NECTIN3: variants seen among roughly 807,000 people sequenced by gnomAD.
The protein encoded by NECTIN3 is nectin cell adhesion molecule 3.
In NECTIN3, 8 loss-of-function variants were observed where a neutral mutation model predicts 49.4. That is an observed-to-expected ratio of 0.16 (90% CI 0.10 to 0.29). The LOEUF (loss-of-function observed/expected upper bound fraction) is 0.29. Ranked by LOEUF, NECTIN3 falls within the 10% of genes least tolerant of loss-of-function variation. The pLI, the probability that NECTIN3 is intolerant of heterozygous loss-of-function variation, is 1.00. For missense variants in NECTIN3, 581 were observed against 654.6 expected (o/e 0.89, Z 1.23); for synonymous variants, 277 against 241.1 (o/e 1.15, Z -1.38).
intron 1 of NECTIN3, among the ~76,000 whole-genome samples, chr3:111,085,860 C>G (rs925485608): frequency 2.0e-5 from 3 of 151,946 alleles, no homozygotes; most frequent in Non-Finnish European, 4.4e-5. Context: ...GGTGGTATTG[C>G]TGGTTCATAT....
intron 7 of NECTIN3, among the ~76,000 whole-genome samples, chr3:111,164,080 A>G (rs1244868138): frequency 6.6e-6 from 1 of 152,090 alleles, no homozygotes; most frequent in Non-Finnish European, 1.5e-5. Flanking sequence ...AAGTATTTGT[A>G]TTTCATAATT....
chr3:111,139,141 A>G (rs1466268732), downstream of NECTIN3, among the ~76,000 whole-genome samples: 1 of 151,728 alleles, frequency 6.6e-6, no homozygotes, highest in Admixed American at 6.6e-5. Flanking sequence ...ATAAATCAGT[A>G]TATAGCTTTG....
chr3:111,111,952 CAG>C (rs2033485826), intron 1 of NECTIN3, 76 bp from the exon 2 acceptor site: 4 of 815,202 alleles, frequency 4.9e-6, no homozygotes, highest in East Asian at 2.7e-5. Context: ...GATAGTTACA[CAG>C]GGGGTCAGGA....
chr3:111,125,668 C>T (rs967622497), intron 4 of NECTIN3, among the ~76,000 whole-genome samples: 1 of 152,132 alleles, frequency 6.6e-6, no homozygotes, highest in African/African-American at 2.4e-5. Context: ...GTTTTAGAAA[C>T]TATCTTTGGA....
Position 111,109,897 on chromosome 3 carries a change from A to G in NECTIN3, c.161-2133A>G, listed in dbSNP as rs2107444860. Among the ~76,000 whole-genome samples, 3 of 152,152 alleles carry G rather than the reference A, an allele frequency of 2.0e-5. No homozygotes were observed. In the South Asian group the frequency reaches 6.2e-4, roughly 32 times the overall value. On this transcript the variant is annotated intron_variant, in intron 1 of 5. Transcript: ENST00000485303. ...TAAATAAGTTTTCCTACCTAGGAAT[A>G]TGGCATAGCTTCTATTTTTTCAAGT...
chr3:111,180,828 T>C (rs1019766028), intron 7 of NECTIN3, among the ~76,000 whole-genome samples: 5 of 152,220 alleles, frequency 3.3e-5, no homozygotes, highest in Non-Finnish European at 7.3e-5. Flanking sequence ...TAATATGTAC[T>C]TTTTTCGTAG....
rs1005606461 is a variant in NECTIN3, at chr3:111,104,253, A to G, written c.161-7777A>G. Among the ~76,000 whole-genome samples the G allele has an allele frequency of 2.6e-5, 4 of 151,188 alleles. No individual in the cohort carries two copies. In the East Asian group the frequency reaches 7.7e-4, roughly 29 times the overall value. Reference sequence around the variant, plus strand: ...TTTTAGTTTTAGTTTACATTTCCTTAAAATGTTGATCATCTTTTCATGTGC... The same window carrying G: ...TTTTAGTTTTAGTTTACATTTCCTTGAAATGTTGATCATCTTTTCATGTGC... On this transcript the variant is annotated intron_variant, in intron 1 of 5. Transcript: ENST00000485303.
At chr3:111,159,964 T>C (rs749433468) in intron 7 of NECTIN3, among the ~76,000 whole-genome samples, 18 of 152,214 alleles carry the variant, frequency 1.2e-4, no homozygotes, top group Non-Finnish European at 1.2e-4. Flanking sequence ...ATATTTAAAG[T>C]TCTCTGACTT....
At chr3:111,145,102 C>A (rs1411302478) in intron 6 of NECTIN3, 22 of 1,447,424 alleles carry the variant, frequency 1.5e-5, no homozygotes, top group Non-Finnish European at 2.1e-5. Flanking sequence ...TTATGTTTAC[C>A]TTTACAGCTC....
Position 111,072,621 on chromosome 3 carries a change from C to G in NECTIN3, c.160+444C>G. On this transcript the variant is annotated intron_variant, in intron 1 of 5. Transcript: ENST00000485303. ...GCCCGATGGAATGAAGCCTCCGGGT[C>G]CACTTCTCATGGCCTTCCACCCTGG... 3 of 1,507,132 alleles carry G rather than the reference C, an allele frequency of 2.0e-6. No homozygotes were observed. The South Asian group carries it at 3.6e-5, about 18-fold the overall frequency. The allele number at this position is 1,507,132 out of a possible 1,614,324, so 93.4% of individuals were successfully genotyped here.
At position 111,192,415 on chromosome 3, in the gene NECTIN3, T is replaced by C. The variant is rs1456857506; in HGVS notation, c.63+2T>C. The C allele has an allele frequency of 1.3e-5, 20 of 1,534,106 alleles. No individual in the cohort carries two copies. The highest frequency in any genetic ancestry group is 1.3e-5 in the Non-Finnish European group (15 of 1,145,202). On this transcript the variant is annotated splice_donor_variant, in intron 1 of 1. Transcript: ENST00000485506. LOFTEE classifies it high-confidence loss of function. ...GAAGTTGGCAATCTTCAGCACTCTG[T>C]AAGTAACTGTGTTGTCGGTATCAGC...
Position 111,135,460 on chromosome 3 carries a change from C to G in NECTIN3, c.*1245C>G. On this transcript the variant is annotated 3_prime_UTR_variant, in exon 6 of 6. Transcript: ENST00000485303. ...TTATCTTTTGAGAAAGAAATGTTAC[C>G]TAAACTTCAAATGTGCTTTTTGTTT... 5.3e-6 allele frequency: 5 copies of G among 948,218 alleles called. No individual in the cohort carries two copies. The highest frequency in any genetic ancestry group is 6.3e-6 in the Non-Finnish European group (5 of 796,374). The allele number at this position is 948,218 out of a possible 1,614,324, so 58.7% of individuals were successfully genotyped here.
At chr3:111,193,353 A>T in intron 1 of NECTIN3, 1 of 1,535,542 alleles carries the variant, frequency 6.5e-7, no homozygotes, top group Non-Finnish European at 8.7e-7. Context: ...GAGAGTCTAC[A>T]TCGACCCACG....
intron 1 of NECTIN3, among the ~76,000 whole-genome samples, chr3:111,084,045 G>A (rs1200406950): frequency 2.0e-5 from 3 of 152,106 alleles, no homozygotes; most frequent in Admixed American, 6.6e-5. Flanking sequence ...TCATTGATAC[G>A]GCAAGGTCCA....
chr3:111,181,300 T>C (rs1356319558), intron 7 of NECTIN3, among the ~76,000 whole-genome samples: 3 of 152,222 alleles, frequency 2.0e-5, no homozygotes, highest in Non-Finnish European at 4.4e-5. Flanking sequence ...TGAATAAACT[T>C]TGTTTTATTG....
At chr3:111,089,429 GTA>G (rs201028492) in intron 1 of NECTIN3, among the ~76,000 whole-genome samples, 10 of 150,184 alleles carry the variant, frequency 6.7e-5, no homozygotes, top group Admixed American at 2.0e-4. Flanking sequence ...GTGTGTGTGT[GTA>G]TGTATATAAA....
intron 7 of NECTIN3, among the ~76,000 whole-genome samples, chr3:111,170,676 C>T (rs1466427339): frequency 1.3e-5 from 2 of 152,156 alleles, no homozygotes; most frequent in East Asian, 3.9e-4. Flanking sequence ...GCTAAACCAA[C>T]ATAACAGGAT....
intron 1 of NECTIN3, among the ~76,000 whole-genome samples, chr3:111,082,299 G>T (rs2031660171): frequency 1.3e-5 from 2 of 152,216 alleles, no homozygotes; most frequent in Admixed American, 1.3e-4. Flanking sequence ...GGGGTAGGAG[G>T]TAGGTTGTGA....
intron 1 of NECTIN3, chr3:111,077,180 T>C: frequency 2.3e-6 from 1 of 433,130 alleles, no homozygotes; most frequent in South Asian, 1.7e-5. Flanking sequence ...ACTTGTTTTC[T>C]TTAGTATGGC....
Sources: allele counts gnomAD v4.1 joint callset (sites outside exome capture counted in the v4.1 genomes callset), GRCh38; gene constraint gnomAD v4.1.1; transcripts MANE v1.5; gene names NCBI Gene and HGNC (gene_info 2026-07-23, HGNC 2026-07-21).